Variants in FANCC observed in about 807,000 individuals in gnomAD.
FANCC encodes FA complementation group C, also known as Fanconi anemia group C protein.
FANCC carries 55 observed loss-of-function variants against 71.3 expected under a neutral mutation model. The observed-to-expected ratio is 0.77, with a 90% CI of 0.62 to 0.97. The LOEUF is 0.97. Ranked by LOEUF, FANCC falls within the 50% of genes least tolerant of loss-of-function variation. FANCC has a pLI of 0.00. For missense variants in FANCC, 678 were observed against 670.9 expected (o/e 1.01, Z -0.12); for synonymous variants, 275 against 244.9 (o/e 1.12, Z -1.15).
At chr9:95,220,972 C>T (rs1287176120) in intron 4 of FANCC, among the ~76,000 whole-genome samples, 1 of 152,052 alleles carries the variant, frequency 6.6e-6, no homozygotes, top group East Asian at 1.9e-4. Context: ...TGGCTCATTC[C>T]TGTAATCCCA....
At chr9:95,197,443 G>C (rs1464215400) in intron 4 of FANCC, among the ~76,000 whole-genome samples, 1 of 152,136 alleles carries the variant, frequency 6.6e-6, no homozygotes, top group Non-Finnish European at 1.5e-5. Flanking sequence ...AGAAGCTGAG[G>C]TTGGAGGACT....
chr9:95,149,729 T>C (rs1165176774), intron 7 of FANCC, among the ~76,000 whole-genome samples, 194 bp downstream of exon 7: 2 of 152,180 alleles, frequency 1.3e-5, no homozygotes, highest in Non-Finnish European at 2.9e-5. Context: ...TCCACCCGCC[T>C]TGGCCTCCCA....
intron 1 of FANCC, among the ~76,000 whole-genome samples, chr9:95,300,607 C>T (rs546307942): frequency 6.6e-6 from 1 of 152,086 alleles, no homozygotes; most frequent in Non-Finnish European, 1.5e-5. Context: ...ACTGCCACCA[C>T]GCCTGGCTAA....
At chr9:95,164,255 A>T (rs1830932733) in intron 6 of FANCC, among the ~76,000 whole-genome samples, 1 of 152,182 alleles carries the variant, frequency 6.6e-6, no homozygotes, top group African/African-American at 2.4e-5. Flanking sequence ...GGATGGAAAG[A>T]ATTTGGAGCA....
intron 4 of FANCC, among the ~76,000 whole-genome samples, chr9:95,176,287 A>C (rs1355105960): frequency 1.3e-5 from 2 of 152,156 alleles, no homozygotes; most frequent in African/African-American, 4.8e-5. Flanking sequence ...TGCAAATCTG[A>C]ATGCTCTCAG....
chr9:95,183,109 C>G (rs1174794240), intron 4 of FANCC, among the ~76,000 whole-genome samples: 1 of 152,148 alleles, frequency 6.6e-6, no homozygotes, highest in Non-Finnish European at 1.5e-5. Flanking sequence ...CAGACCTTTT[C>G]CTTCTTCTGA....
chr9:95,221,091 G>T (rs1829229961), intron 4 of FANCC, among the ~76,000 whole-genome samples: 1 of 151,894 alleles, frequency 6.6e-6, no homozygotes, highest in Non-Finnish European at 1.5e-5. Flanking sequence ...AATTAGCCAG[G>T]CATGGTGGCA....
At chr9:95,289,622 T>C (rs1319891759) in intron 1 of FANCC, among the ~76,000 whole-genome samples, 1 of 152,208 alleles carries the variant, frequency 6.6e-6, no homozygotes, top group Non-Finnish European at 1.5e-5. Context: ...TTTTAAAAAT[T>C]TGTTTTAGTT....
intron 7 of FANCC, among the ~76,000 whole-genome samples, chr9:95,148,541 C>T (rs1022279814): frequency 6.6e-6 from 1 of 152,146 alleles, no homozygotes; most frequent in Admixed American, 6.5e-5. Flanking sequence ...AATCTATGTC[C>T]ACCAACATAA....
intron 1 of FANCC, among the ~76,000 whole-genome samples, chr9:95,277,468 T>G (rs946438633): frequency 2.6e-5 from 4 of 152,170 alleles, no homozygotes; most frequent in Non-Finnish European, 4.4e-5. Flanking sequence ...AACATCACAT[T>G]GCACCCTATA....
intron 4 of FANCC, among the ~76,000 whole-genome samples, chr9:95,198,518 T>C (rs754192238): frequency 1.3e-5 from 2 of 152,154 alleles, no homozygotes; most frequent in Non-Finnish European, 2.9e-5. Flanking sequence ...TTACAGCAGT[T>C]TCATCATAGC....
In FANCC at chr9:95,101,688, C is replaced by A; in HGVS notation, c.*19G>T. The A allele has an allele frequency of 6.2e-7, 1 of 1,613,258 alleles. No individual in the cohort carries two copies. The highest frequency in any genetic ancestry group is 8.5e-7 in the Non-Finnish European group (1 of 1,179,900). On this transcript the variant is annotated 3_prime_UTR_variant, in exon 15 of 15. Transcript: ENST00000289081. ...AGCCTGATCCCTCACGCCGGGCACC[C>A]ACACGGCCTGCGTGCCTTCTAGACT... is the stretch of plus-strand genomic sequence containing the variant.
intron 1 of FANCC, among the ~76,000 whole-genome samples, chr9:95,307,004 A>C (rs1564845199): frequency 6.6e-6 from 1 of 152,038 alleles, no homozygotes; most frequent in Non-Finnish European, 1.5e-5. Context: ...CTACAGTTGC[A>C]TGTCACACTG....
At chr9:95,120,375 T>G (rs901514561) in intron 10 of FANCC, among the ~76,000 whole-genome samples, 1 of 152,164 alleles carries the variant, frequency 6.6e-6, no homozygotes, top group Non-Finnish European at 1.5e-5. Context: ...GCTGTCTTTT[T>G]GCCAATACCT....
intron 8 of FANCC, among the ~76,000 whole-genome samples, chr9:95,129,591 GAAATA>G (rs1826564608): frequency 6.6e-6 from 1 of 152,180 alleles, no homozygotes; most frequent in African/African-American, 2.4e-5. Context: ...TAAAAGCGGG[GAAATA>G]AAATAAACCT....
rs368208316 is a variant in FANCC at position 95,100,155 on chromosome 9, C to T, written c.*1552G>A. 14 of 232,650 alleles carry T rather than the reference C, an allele frequency of 6.0e-5. No individual in the cohort carries two copies. Among genetic ancestry groups the T allele is most frequent in the African/African-American group, 2.0e-4 (9 of 45,402 alleles). The allele number at this position is 232,650 out of a possible 1,614,324, so 14.4% of individuals were successfully genotyped here. A position where few individuals can be genotyped will look rare whatever the true frequency, so the allele number is the denominator to read the frequency against. On this transcript the variant is annotated 3_prime_UTR_variant, in exon 15 of 15. Coordinates refer to ENST00000289081, the MANE Select transcript of FANCC (RefSeq NM_000136.3). Reference sequence around the variant, plus strand: ...CCTTTTTCAACCCCAACACCTCTGACGAAGCATGTTTGTTATATGAAGGCA... The same window carrying T: ...CCTTTTTCAACCCCAACACCTCTGATGAAGCATGTTTGTTATATGAAGGCA...
intron 11 of FANCC, among the ~76,000 whole-genome samples, 170 bp downstream of exon 11, chr9:95,117,145 C>G (rs1465061971): frequency 6.6e-6 from 1 of 152,180 alleles, no homozygotes; most frequent in Non-Finnish European, 1.5e-5. Flanking sequence ...CAAGCAGACT[C>G]TCATATCAAA....
chr9:95,159,532 C>T (rs1337481269), intron 6 of FANCC, among the ~76,000 whole-genome samples: 7 of 152,126 alleles, frequency 4.6e-5, no homozygotes, highest in Admixed American at 4.6e-4. Flanking sequence ...ATTTATAATC[C>T]TTTGGGTATA....
intron 3 of FANCC, among the ~76,000 whole-genome samples, chr9:95,243,007 A>T (rs925004278): frequency 3.9e-5 from 6 of 152,258 alleles, no homozygotes; most frequent in Admixed American, 3.3e-4. Context: ...AAAGGAAGAT[A>T]ACAACATACA....
Sources: allele counts gnomAD v4.1 joint callset (sites outside exome capture counted in the v4.1 genomes callset), GRCh38; gene constraint gnomAD v4.1.1; transcripts MANE v1.5; gene names NCBI Gene and HGNC (gene_info 2026-07-23, HGNC 2026-07-21).